The following SLC35F3 variants were observed in gnomAD, a reference collection of about 807,000 sequenced individuals.
SLC35F3 encodes putative thiamine transporter SLC35F3.
Under a neutral mutation model 49.9 loss-of-function variants are expected in SLC35F3, and 25 were observed. The observed-to-expected ratio is 0.50, with a 90% confidence interval of 0.37 to 0.70. The LOEUF (loss-of-function observed/expected upper bound fraction) is 0.70, where lower values mean the gene tolerates loss of function less well. Ranked by LOEUF, SLC35F3 falls within the 30% of genes least tolerant of loss-of-function variation. SLC35F3 has a pLI of 0.00. For synonymous variants in SLC35F3, 275 were observed against 265.4 expected (o/e 1.04, Z -0.35); for missense variants, 525 against 639.8 (o/e 0.82, Z 1.94).
chr1:233,908,048 C>A (rs1194129274), intron 2 of SLC35F3, among the ~76,000 whole-genome samples: 3 of 152,154 alleles, frequency 2.0e-5, no homozygotes, highest in Non-Finnish European at 4.4e-5. Flanking sequence ...TAAGGCAGAA[C>A]TTTTGCTGTT....
chr1:233,949,650 C>T (rs1182269341), intron 2 of SLC35F3, among the ~76,000 whole-genome samples: 3 of 152,154 alleles, frequency 2.0e-5, no homozygotes, highest in African/African-American at 7.2e-5. Flanking sequence ...AGACCTTAGC[C>T]CTTTTACAGC....
At position 234,275,752 on chromosome 1, in the gene SLC35F3, G is replaced by GAAAA. The variant is rs71576411; in HGVS notation, c.609-33340_609-33337dup. Among the ~76,000 whole-genome samples the GAAAA allele has an allele frequency of 2.8e-4, 39 of 139,034 alleles. 1 individual carries two copies. The highest frequency in any genetic ancestry group is 7.7e-4 in the African/African-American group (29 of 37,794). The allele number at this position is 139,034 out of a possible 152,430, so 91.2% of individuals were successfully genotyped here. A position where few individuals can be genotyped will look rare whatever the true frequency, so the allele number is the denominator to read the frequency against. On this transcript the variant is annotated intron_variant, in intron 3 of 7. Coordinates refer to ENST00000366618, the MANE Select transcript of SLC35F3 (RefSeq NM_173508.4). Reference sequence around the variant, plus strand: ...AAATGAAACATCATTGGTAAGTATTGAAAAAAAAAAAATATATATATATAT... The same window carrying GAAAA: ...AAATGAAACATCATTGGTAAGTATTGAAAAAAAAAAAAAAAATATATATATATAT...
Position 234,224,347 on chromosome 1 carries a change from G to A in SLC35F3, c.284-7070G>A, listed in dbSNP as rs114494031. ...CTCCCAAACCTCTGGGATTACAGGC[G>A]TGAGCCACTGCTCCCAGCCTCTTTA... On this transcript the variant is annotated intron_variant, in intron 2 of 7. Transcript: ENST00000366618. 7.9e-3 allele frequency among the ~76,000 whole-genome samples: 1,202 copies of A among 152,306 alleles called. 10 individuals carry two copies. Among genetic ancestry groups the A allele is most frequent in the Non-Finnish European group, 9.2e-3 (627 of 68,028 alleles).
At chr1:234,241,863 G>T (rs1031879890) in intron 3 of SLC35F3, among the ~76,000 whole-genome samples, 2 of 152,218 alleles carry the variant, frequency 1.3e-5, no homozygotes, top group Middle Eastern at 3.4e-3. Flanking sequence ...GTGGTCACTG[G>T]TACCCCTGCT....
chr1:234,324,409 T>C lies in SLC35F3; in HGVS notation c.*1166T>C, dbSNP rs190202011. 57 of 152,324 alleles carry C rather than the reference T, an allele frequency of 3.7e-4. No homozygotes were observed. The East Asian group carries it at 5.0e-3, about 13-fold the overall frequency. 9.4% of individuals were successfully genotyped at this position (152,324 alleles called of 1,614,324 possible). A position where few individuals can be genotyped will look rare whatever the true frequency, so the allele number is the denominator to read the frequency against. On this transcript the variant is annotated 3_prime_UTR_variant, in exon 8 of 8. Transcript: ENST00000366618. ...TGTAACCATGGAGTCTTCTGTTTCCTGGGGGAAAGGGGCATTCATGACCTG... is the reference window on the plus strand; with the variant it reads ...TGTAACCATGGAGTCTTCTGTTTCCCGGGGGAAAGGGGCATTCATGACCTG...
At chr1:234,204,525 C>G (rs55717483) in intron 2 of SLC35F3, among the ~76,000 whole-genome samples, 3,946 of 152,236 alleles carry the variant, frequency 0.026, 162 homozygotes, top group African/African-American at 0.089. Flanking sequence ...TCAGATGCAC[C>G]CCTGGAGCCC....
intron 2 of SLC35F3, among the ~76,000 whole-genome samples, chr1:233,931,278 G>A (rs961494672): frequency 6.6e-6 from 1 of 152,060 alleles, no homozygotes; most frequent in African/African-American, 2.4e-5. Flanking sequence ...AAAGCCAAAA[G>A]TGACAAATGG....
chr1:234,105,433 GGT>G (rs1448199058), intron 2 of SLC35F3, among the ~76,000 whole-genome samples: 1 of 152,162 alleles, frequency 6.6e-6, no homozygotes, highest in Non-Finnish European at 1.5e-5. Flanking sequence ...TGGGTCAATA[GGT>G]GTTCTGTATA....
At chr1:234,037,377 G>T (rs1308223131) in intron 2 of SLC35F3, among the ~76,000 whole-genome samples, 1 of 152,142 alleles carries the variant, frequency 6.6e-6, no homozygotes. Context: ...ATTCATGAGG[G>T]ATCTGCCCCC....
intron 2 of SLC35F3, among the ~76,000 whole-genome samples, chr1:234,036,972 T>C (rs981616800): frequency 1.3e-5 from 2 of 152,246 alleles, no homozygotes; most frequent in Admixed American, 1.3e-4. Context: ...GGACACAATC[T>C]ATAGAAAATG....
intron 3 of SLC35F3, among the ~76,000 whole-genome samples, chr1:234,251,552 TTAAA>T: frequency 6.6e-6 from 1 of 151,804 alleles, no homozygotes; most frequent in East Asian, 1.9e-4. Flanking sequence ...AAAGAAAGCT[TTAAA>T]ACTCTCTCAA....
At chr1:233,909,672 T>C (rs555187293) in intron 2 of SLC35F3, among the ~76,000 whole-genome samples, 1 of 152,326 alleles carries the variant, frequency 6.6e-6, no homozygotes, top group Non-Finnish European at 1.5e-5. Flanking sequence ...CCCTTTGTGC[T>C]GTATAAGTAT....
At chr1:233,991,828 C>A (rs954234164) in intron 2 of SLC35F3, among the ~76,000 whole-genome samples, 1 of 152,042 alleles carries the variant, frequency 6.6e-6, no homozygotes, top group Non-Finnish European at 1.5e-5. Flanking sequence ...ATTATTTTGC[C>A]TGTTTATTTA....
chr1:233,996,085 C>T (rs1215781652), intron 2 of SLC35F3, among the ~76,000 whole-genome samples: 1 of 152,054 alleles, frequency 6.6e-6, no homozygotes. Context: ...TATATATATA[C>T]ACAGTTGGCA....
At chr1:233,933,422 C>T (rs1027849418) in intron 2 of SLC35F3, among the ~76,000 whole-genome samples, 1 of 152,048 alleles carries the variant, frequency 6.6e-6, no homozygotes, top group Non-Finnish European at 1.5e-5. Flanking sequence ...AATTCTAGCT[C>T]ACTGCAACCT....
chr1:234,321,631 G>A (rs1369539539), intron 7 of SLC35F3, among the ~76,000 whole-genome samples: 3 of 152,118 alleles, frequency 2.0e-5, no homozygotes, highest in Admixed American at 2.0e-4. Flanking sequence ...GTATAATATG[G>A]CCAGGTGTTT....
At chr1:233,991,511 T>C (rs1663354545) in intron 2 of SLC35F3, among the ~76,000 whole-genome samples, 1 of 152,210 alleles carries the variant, frequency 6.6e-6, no homozygotes, top group East Asian at 1.9e-4. Context: ...TGGCTGCTGA[T>C]TCAGACTTAG....
intron 3 of SLC35F3, among the ~76,000 whole-genome samples, chr1:234,275,702 G>A (rs915185760): frequency 1.3e-5 from 2 of 149,824 alleles, no homozygotes; most frequent in Non-Finnish European, 3.0e-5. Context: ...CCTGCAGTAT[G>A]TTCTCCGATC....
At chr1:234,081,893 A>G (rs1247559062) in intron 2 of SLC35F3, among the ~76,000 whole-genome samples, 12 of 107,964 alleles carry the variant, frequency 1.1e-4, no homozygotes, top group African/African-American at 4.8e-4. Context: ...GCCTGCCACC[A>G]TGCCTGGCTA....
Sources: allele counts gnomAD v4.1 joint callset (sites outside exome capture counted in the v4.1 genomes callset), GRCh38; gene constraint gnomAD v4.1.1; transcripts MANE v1.5; gene names NCBI Gene and HGNC (gene_info 2026-07-23, HGNC 2026-07-21).